Variants in EVC observed in about 807,000 individuals in gnomAD.
The protein encoded by EVC is EvC ciliary complex subunit 1, also known as evC complex member EVC.
In EVC, 116 loss-of-function variants were observed where a neutral mutation model predicts 118.9. The ratio of observed to expected loss-of-function variants is 0.98; its 90% CI spans 0.84 to 1.14. EVC has a LOEUF of 1.14. EVC is among the 50% of genes most tolerant of loss of function. The probability of loss-of-function intolerance (pLI) is 0.00; values close to 1 mark genes in which losing one functional copy is unlikely to be tolerated. For synonymous variants in EVC, 619 were observed against 534.7 expected, an observed-to-expected ratio of 1.16 and a Z score of -2.18; for missense variants, 1,401 against 1,246.4, an observed-to-expected ratio of 1.12 and a Z score of -1.87.
Position 5,737,419 on chromosome 4 carries a change from A to G in EVC, c.702+3984A>G, listed in dbSNP as rs113526048. ...GGCTGCACTAAACAACAGATTTTCA[A>G]TGCAGATGAAATAGCACAATATGGT... On this transcript the variant is annotated intron_variant, in intron 5 of 20. Coordinates refer to ENST00000264956, the MANE Select transcript of EVC (RefSeq NM_153717.3). This position sits in a 1 kb window ranked among gnomAD's most constrained non-coding sequence, Gnocchi z 5.0. Among the ~76,000 whole-genome samples, 66 of 152,372 alleles carry G rather than the reference A, an allele frequency of 4.3e-4. No individual in the cohort carries two copies. The highest frequency in any genetic ancestry group is 7.1e-4 in the Non-Finnish European group (48 of 68,032).
chr4:5,762,525 A>G (rs1732234458), intron 11 of EVC, among the ~76,000 whole-genome samples: 1 of 140,508 alleles, frequency 7.1e-6, no homozygotes, highest in African/African-American at 2.7e-5. Context: ...CCAACAGTGT[A>G]AAAGTGTTCC....
In EVC at chr4:5,800,116, G is replaced by A. The variant is rs377685304; in HGVS notation, c.2304+1324G>A. Among the ~76,000 whole-genome samples the A allele has an allele frequency of 5.3e-5, 8 of 152,260 alleles. No homozygotes were observed. The East Asian group carries it at 7.7e-4, about 15-fold the overall frequency. ...TCCCAGCACTTTGGGAGGCCAAGGC[G>A]GGTGGATCACTTGAGGTCAGGAGTT... On this transcript the variant is annotated intron_variant, in intron 15 of 20. Transcript: ENST00000264956.
intron 11 of EVC, among the ~76,000 whole-genome samples, chr4:5,777,158 C>A (rs1261752995): frequency 1.3e-5 from 2 of 152,088 alleles, no homozygotes; most frequent in Non-Finnish European, 2.9e-5. Flanking sequence ...ATGATACTGT[C>A]CTTCTCCAAA....
chr4:5,803,644 T>C (rs556247605), intron 16 of EVC, among the ~76,000 whole-genome samples: 3 of 152,330 alleles, frequency 2.0e-5, no homozygotes, highest in South Asian at 4.1e-4. Flanking sequence ...TGAAATGATA[T>C]AGCTTAAGCC....
chr4:5,797,954 G>A (rs946238578), intron 14 of EVC, among the ~76,000 whole-genome samples: 2 of 152,312 alleles, frequency 1.3e-5, no homozygotes, highest in Non-Finnish European at 2.9e-5. Flanking sequence ...ACCCAGGTAG[G>A]CTGGCTCCAG....
rs115678357 is a variant in EVC, at chr4:5,801,892, G to A, written c.2305-58G>A. On this transcript the variant is annotated intron_variant, in intron 15 of 20. Coordinates refer to ENST00000264956, the MANE Select transcript of EVC (RefSeq NM_153717.3). ...TGGGGAGGCAGGGACTGGATGGGCC[G>A]TGGGTGGCTCCCACGTGTGACTTCT... 1,971 of 1,590,232 alleles carry A rather than the reference G, an allele frequency of 1.2e-3. 16 individuals carry two copies. The African/African-American group carries it at 0.022, about 18-fold the overall frequency.
intron 11 of EVC, among the ~76,000 whole-genome samples, chr4:5,770,706 A>G (rs957216098): frequency 6.6e-6 from 1 of 152,174 alleles, no homozygotes; most frequent in Non-Finnish European, 1.5e-5. Flanking sequence ...AAATCAGTCA[A>G]TCAGTTAATG....
intron 5 of EVC, among the ~76,000 whole-genome samples, chr4:5,736,363 G>GTA (rs911849792): frequency 2.2e-4 from 33 of 152,306 alleles, no homozygotes; most frequent in African/African-American, 7.5e-4. Flanking sequence ...GTAGACAGCA[G>GTA]TATTCAACCA....
At chr4:5,768,881 C>T (rs545890116) in intron 11 of EVC, among the ~76,000 whole-genome samples, 1 of 152,078 alleles carries the variant, frequency 6.6e-6, no homozygotes, top group Admixed American at 6.5e-5. Context: ...TATTCTCATT[C>T]ATCATCATTC....
At chr4:5,796,441 G>A (rs952353212) in intron 13 of EVC, among the ~76,000 whole-genome samples, 1 of 151,970 alleles carries the variant, frequency 6.6e-6, no homozygotes, top group African/African-American at 2.4e-5. Flanking sequence ...AAGGAATTTC[G>A]GATGGTGGGA....
At chr4:5,726,587 A>G (rs1304806499) in intron 2 of EVC, among the ~76,000 whole-genome samples, 1 of 79,486 alleles carries the variant, frequency 1.3e-5, no homozygotes, top group East Asian at 3.9e-4. Context: ...TTTTTTTATT[A>G]TACTTTAAGT....
chr4:5,781,895 C>G (rs567473173), intron 11 of EVC, among the ~76,000 whole-genome samples: 1 of 152,102 alleles, frequency 6.6e-6, no homozygotes, highest in East Asian at 1.9e-4. Context: ...GGTGAATGAA[C>G]ACAAACACCA....
At chr4:5,768,790 G>C (rs1733453527) in intron 11 of EVC, among the ~76,000 whole-genome samples, 1 of 151,972 alleles carries the variant, frequency 6.6e-6, no homozygotes, top group South Asian at 2.1e-4. Flanking sequence ...CCAGGAGGTG[G>C]AGGTTGCAGT....
chr4:5,822,003 CCA>C, the EVC span: 2 of 514,640 alleles, frequency 3.9e-6, no homozygotes, highest in Admixed American at 3.3e-5. Flanking sequence ...TCCCTGGCCT[CCA>C]CAGAGTCCAC....
In EVC at chr4:5,789,640, A is replaced by G. The variant is rs1310984987; in HGVS notation, c.1777-3968A>G. ...CAAAGAGTAAAACTTACTTGAGGCC[A>G]CAAAATGACCTGGTAGCAATGACCA... On this transcript the variant is annotated intron_variant, in intron 12 of 20. Coordinates refer to ENST00000264956, the MANE Select transcript of EVC (RefSeq NM_153717.3). This position sits in a 1 kb window ranked among gnomAD's most constrained non-coding sequence, Gnocchi z 4.3. Among the ~76,000 whole-genome samples, 1 of 152,212 alleles carries G rather than the reference A, an allele frequency of 6.6e-6. No homozygotes were observed. Among genetic ancestry groups the G allele is most frequent in the Non-Finnish European group, 1.5e-5 (1 of 68,040 alleles).
rs1716906858 is a variant in EVC at position 5,811,540 on chromosome 4, A to G, written c.*503A>G. The G allele has an allele frequency of 5.2e-6, 1 of 191,926 alleles. No individual in the cohort carries two copies. The highest frequency in any genetic ancestry group is 2.4e-5 in the African/African-American group (1 of 42,108). The allele number at this position is 191,926 out of a possible 1,614,324, so 11.9% of individuals were successfully genotyped here. ...GAGGGGCTTCTTCCGGACAGTAGAC[A>G]CCCTGCCCGTGCAGAGAGATGTCAT... On this transcript the variant is annotated 3_prime_UTR_variant, in exon 21 of 21. Coordinates refer to ENST00000264956, the MANE Select transcript of EVC (RefSeq NM_153717.3).
chr4:5,791,645 G>A (rs543726771), intron 12 of EVC, among the ~76,000 whole-genome samples: 94 of 152,092 alleles, frequency 6.2e-4, no homozygotes, highest in East Asian at 1.5e-3. Flanking sequence ...GAAAAGAATA[G>A]CCCCTCCCAT....
At position 5,754,238 on chromosome 4, in the gene EVC, C is replaced by T. The variant is rs772920113; in HGVS notation, c.1464+305C>T. 1.5e-4 allele frequency among the ~76,000 whole-genome samples: 23 copies of T among 152,178 alleles called. No individual in the cohort carries two copies. The highest frequency in any genetic ancestry group is 2.8e-4 in the Non-Finnish European group (19 of 68,018). On this transcript the variant is annotated intron_variant, in intron 10 of 20. Coordinates refer to ENST00000264956, the MANE Select transcript of EVC (RefSeq NM_153717.3). This position sits in a 1 kb window ranked among gnomAD's most constrained non-coding sequence, Gnocchi z 5.8. ...AGGAGCACACAGATGGTGGCAATGG[C>T]GTGAAGGGAGCAATGTGTGGCCCAG...
Position 5,719,054 on chromosome 4 carries a change from G to C in EVC, c.175-194G>C, listed in dbSNP as rs1039163178. On this transcript the variant is annotated intron_variant, in intron 1 of 20. Transcript: ENST00000264956. This position sits in a 1 kb window ranked among gnomAD's most constrained non-coding sequence, Gnocchi z 4.7. ...TCAGGAAGGTGACCTGTGCAGTCTT[G>C]AAGGACATGTAGCGGACCCCACGTG... 1.3e-5 allele frequency among the ~76,000 whole-genome samples: 2 copies of C among 152,156 alleles called. No homozygotes were observed. The highest frequency in any genetic ancestry group is 2.9e-5 in the Non-Finnish European group (2 of 68,038).
Sources: gnomAD v4.1 joint callset for allele counts (sites outside exome capture counted in the v4.1 genomes callset) on GRCh38, gnomAD v4.1.1 for gene constraint, Gnocchi (gnomAD v3.1) non-coding constraint, MANE v1.5 for transcripts, NCBI Gene and HGNC (gene_info 2026-07-23, HGNC 2026-07-21) for gene names.